Variants in RBM38 observed in about 807,000 individuals in gnomAD.
RBM38 encodes the protein RNA-binding protein 38.
A neutral mutation model predicts 23.5 loss-of-function variants in RBM38; 11 were observed. The ratio of observed to expected loss-of-function variants is 0.47; its 90% CI spans 0.29 to 0.77. The LOEUF (loss-of-function observed/expected upper bound fraction) is 0.77. Ranked by LOEUF, RBM38 falls within the 30% of genes least tolerant of loss-of-function variation. RBM38 has a pLI of 0.08. For missense variants in RBM38, 330 were observed against 351.9 expected (o/e 0.94, Z 0.50); for synonymous variants, 165 against 166.1 (o/e 0.99, Z 0.05).
In RBM38 at chr20:57,407,586, A is replaced by G; in HGVS notation, c.460A>G (p.Ser154Gly). The change falls in exon 4 of 4, where the codon AGC (serine) becomes GGC (glycine). Residue 154 changes from serine to glycine, a missense_variant. This residue lies in a region of RBM38 where 227 missense variants were observed against 216.4 expected (regional missense o/e 1.05). Coordinates refer to ENST00000356208, the MANE Select transcript of RBM38 (RefSeq NM_017495.6). This position sits in a 1 kb window ranked among gnomAD's most constrained non-coding sequence, Gnocchi z 4.0. ...CTACCCACCAGCCATCGTGCAGCCC[A>G]GCGTGGTGATCCCAGCCGCCCCTGT... ...YIYPPAIVQP[S>G]VVIPAAPVPS... 2 of 1,613,738 alleles carry G rather than the reference A, an allele frequency of 1.2e-6. No homozygotes were observed. Among genetic ancestry groups the G allele is most frequent in the Non-Finnish European group, 1.7e-6 (2 of 1,179,848 alleles).
chr20:57,393,235 G>A (rs750152335), intron 2 of RBM38, 44 bp from the exon 3 acceptor site: 1 of 1,593,134 alleles, frequency 6.3e-7, no homozygotes, highest in Non-Finnish European at 8.6e-7. Flanking sequence ...TTGAGACGTG[G>A]CTCGTGCAGC....
intron 3 of RBM38, among the ~76,000 whole-genome samples, chr20:57,405,903 C>T (rs2067378577): frequency 6.6e-6 from 1 of 152,220 alleles, no homozygotes; most frequent in Admixed American, 6.5e-5. Context: ...AAACCGCGCT[C>T]CAGAAAGCTG....
intron 3 of RBM38, among the ~76,000 whole-genome samples, chr20:57,393,664 G>C (rs998731814): frequency 6.6e-6 from 1 of 152,220 alleles, no homozygotes; most frequent in Non-Finnish European, 1.5e-5. Flanking sequence ...GGTGGGCCTG[G>C]TGCAGGTAAC....
rs1363987626 is a variant in RBM38, at chr20:57,391,677, G to A, written c.96G>A (p.Thr32=). 6 of 1,511,482 alleles carry A rather than the reference G, an allele frequency of 4.0e-6. 2 individuals carry two copies. The Admixed American group carries it at 1.1e-4, about 27-fold the overall frequency. The allele number at this position is 1,511,482 out of a possible 1,614,324, so 93.6% of individuals were successfully genotyped here. A position where few individuals can be genotyped will look rare whatever the true frequency, so the allele number is the denominator to read the frequency against. The change falls in exon 1 of 4, where the codon ACG becomes ACA. Residue 32 remains threonine, a synonymous_variant. Coordinates refer to ENST00000356208, the MANE Select transcript of RBM38 (RefSeq NM_017495.6). The stretch of plus-strand genomic sequence containing the variant: ...TGCACGGCTCGCAGAAGGACACCAC[G>A]TTCACCAAGATCTTCGTGGGCGGCC... ...GAMHGSQKDT[T]FTKIFVGGLP...
At chr20:57,398,545 G>A (rs1014080661) in intron 3 of RBM38, among the ~76,000 whole-genome samples, 4 of 144,830 alleles carry the variant, frequency 2.8e-5, no homozygotes, top group Admixed American at 1.3e-4. Context: ...TGGCCCCGCC[G>A]CCCCCCTGCC....
intron 2 of RBM38, 106 bp downstream of exon 2, chr20:57,392,883 C>CGGCTATCATGTGCCTGCAGA (rs1555836707): frequency 5.5e-6 from 8 of 1,464,128 alleles, no homozygotes; most frequent in Non-Finnish European, 7.4e-6. Context: ...CAGTGGCAGT[C>CGGCTATCATGTGCCTGCAGA]GGCTATCATG....
At position 57,407,677 on chromosome 20, in the gene RBM38, C is replaced by T. The variant is rs754322312; in HGVS notation, c.551C>T (p.Pro184Leu). Residue 184 changes from proline to leucine, a missense_variant, in exon 4 of 4, where the codon CCG (proline) becomes CTG (leucine). Coordinates refer to ENST00000356208, the MANE Select transcript of RBM38 (RefSeq NM_017495.6). This position sits in a 1 kb window ranked among gnomAD's most constrained non-coding sequence, Gnocchi z 4.0. ...AGCCCGGCCTACGCCCAGTACCCACCGGCCACCTATGACCAGTACCCATAC... is the reference window on the plus strand; with the variant it reads ...AGCCCGGCCTACGCCCAGTACCCACTGGCCACCTATGACCAGTACCCATAC... Reference protein sequence around the residue: ...PASPAYAQYPPATYDQYPYAA... With the variant: ...PASPAYAQYPLATYDQYPYAA... 2.2e-5 allele frequency: 36 copies of T among 1,612,584 alleles called. No homozygotes were observed. Among genetic ancestry groups the T allele is most frequent in the Middle Eastern group, 3.3e-4 (2 of 6,084 alleles).
intron 3 of RBM38, among the ~76,000 whole-genome samples, chr20:57,398,275 TAC>T (rs1326194672): frequency 6.7e-6 from 1 of 149,540 alleles, no homozygotes; most frequent in African/African-American, 2.5e-5. Context: ...TGTGTGTGTG[TAC>T]GCACGCACAC....
Position 57,404,880 on chromosome 20 carries a change from C to T in RBM38, c.417-2663C>T, listed in dbSNP as rs185878835. Among the ~76,000 whole-genome samples the T allele has an allele frequency of 8.5e-5, 13 of 152,326 alleles. No individual in the cohort carries two copies. In the East Asian group the frequency reaches 1.5e-3, roughly 18 times the overall value. On this transcript the variant is annotated intron_variant, in intron 3 of 3. Transcript: ENST00000356208. The stretch of plus-strand genomic sequence containing the variant: ...GTGGGGAGGATGCGAGGGATTGAGG[C>T]GCTGTGGGGCATGGGCCGGCACCAG...
At chr20:57,405,466 G>C (rs189885734) in intron 3 of RBM38, among the ~76,000 whole-genome samples, 28 of 152,352 alleles carry the variant, frequency 1.8e-4, no homozygotes, top group African/African-American at 6.3e-4. Flanking sequence ...GGCAGGAGCT[G>C]CCTGGGCCTC....
intron 1 of RBM38, chr20:57,392,364 C>T (rs1309945515): frequency 1.4e-6 from 2 of 1,449,844 alleles, no homozygotes; most frequent in South Asian, 2.4e-5. Context: ...CCCCAAGCTC[C>T]CTTCGGGGTT....
intron 1 of RBM38, among the ~76,000 whole-genome samples, 188 bp downstream of exon 1, chr20:57,392,006 G>T (rs1231935223): frequency 2.9e-5 from 1 of 34,022 alleles, no homozygotes; most frequent in African/African-American, 7.6e-5. Context: ...ACCACCCCAG[G>T]CCCCGGCCCC....
At chr20:57,395,827 G>A (rs998642459) in intron 3 of RBM38, among the ~76,000 whole-genome samples, 5 of 152,200 alleles carry the variant, frequency 3.3e-5, no homozygotes, top group African/African-American at 1.2e-4. Context: ...TGAACAATCA[G>A]GCCCCGGGAG....
chr20:57,398,272 G>A (rs1356160917), intron 3 of RBM38, among the ~76,000 whole-genome samples: 1 of 151,122 alleles, frequency 6.6e-6, no homozygotes, highest in Non-Finnish European at 1.5e-5. Context: ...GTGTGTGTGT[G>A]TGTACGCACG....
At chr20:57,392,281 T>A in intron 1 of RBM38, 1 of 537,566 alleles carries the variant, frequency 1.9e-6, no homozygotes, top group Non-Finnish European at 3.2e-6. Context: ...CTGCTTACCT[T>A]CCAAGCATAG....
intron 3 of RBM38, among the ~76,000 whole-genome samples, chr20:57,395,872 G>A (rs908290759): frequency 3.3e-5 from 5 of 152,176 alleles, no homozygotes; most frequent in Non-Finnish European, 4.4e-5. Flanking sequence ...CAGTTTTGTC[G>A]GCCTTGGGCT....
intron 3 of RBM38, among the ~76,000 whole-genome samples, chr20:57,398,504 G>A (rs558096919): frequency 4.6e-5 from 7 of 152,284 alleles, no homozygotes; most frequent in South Asian, 2.1e-4. Flanking sequence ...ACACTGTGGC[G>A]TCACGTTTTC....
At chr20:57,397,989 TACACATGA>T (rs2067291678) in intron 3 of RBM38, among the ~76,000 whole-genome samples, 1 of 152,194 alleles carries the variant, frequency 6.6e-6, no homozygotes. Context: ...TGTGTGTAAC[TACACATGA>T]CATGTAAGAA....
intron 3 of RBM38, among the ~76,000 whole-genome samples, chr20:57,404,161 C>T (rs1008473481): frequency 1.3e-5 from 2 of 152,212 alleles, no homozygotes; most frequent in African/African-American, 2.4e-5. Flanking sequence ...ATAGAAATGA[C>T]GCAGCCCTCG....
Sources: allele counts gnomAD v4.1 joint callset (sites outside exome capture counted in the v4.1 genomes callset), GRCh38; gene constraint gnomAD v4.1.1; regional missense constraint gnomAD v4.1.1; non-coding constraint Gnocchi (gnomAD v3.1); transcripts MANE v1.5; gene names NCBI Gene and HGNC (gene_info 2026-07-23, HGNC 2026-07-21).